STK33: variants seen among roughly 807,000 people sequenced by gnomAD.
The protein encoded by STK33 is serine/threonine kinase 33.
A neutral mutation model predicts 58.0 loss-of-function variants in STK33; 52 were observed. The ratio of observed to expected loss-of-function variants is 0.90; its 90% CI spans 0.72 to 1.13. The LOEUF is 1.13. Among genes scored for constraint, STK33 ranks in the 50% most tolerant of loss-of-function variants. The pLI is 0.00. For synonymous variants in STK33, 215 were observed against 200.1 expected (o/e 1.07, Z -0.63); for missense variants, 630 against 604.2 (o/e 1.04, Z -0.45).
intron 11 of STK33, among the ~76,000 whole-genome samples, chr11:8,440,996 C>T (rs1042455984): frequency 2.6e-5 from 4 of 152,128 alleles, no homozygotes; most frequent in Admixed American, 6.6e-5. Context: ...AAATGCACTA[C>T]CCTTTATTTC....
chr11:8,498,839 C>A (rs1014025274), intron 1 of STK33, among the ~76,000 whole-genome samples: 1 of 152,110 alleles, frequency 6.6e-6, no homozygotes, highest in African/African-American at 2.4e-5. Flanking sequence ...GGAAAGGATT[C>A]CCTATTTAAT....
the STK33 span, among the ~76,000 whole-genome samples, chr11:8,373,088 A>T: frequency 6.6e-6 from 1 of 152,150 alleles, no homozygotes; most frequent in Non-Finnish European, 1.5e-5. Context: ...CCATGTCTGG[A>T]CCTTGGCTGG....
the STK33 span, among the ~76,000 whole-genome samples, chr11:8,347,171 A>T: frequency 3.3e-5 from 5 of 152,136 alleles, no homozygotes; most frequent in Non-Finnish European, 5.9e-5. Context: ...TCTTCATTCA[A>T]CTTCCTACTT....
At chr11:8,440,800 T>A in intron 11 of STK33, 47 bp from the exon 12 acceptor site, 1 of 1,510,234 alleles carries the variant, frequency 6.6e-7, no homozygotes, top group Non-Finnish European at 9.0e-7. Flanking sequence ...ACAATAAATG[T>A]CTTTTAAATG....
At chr11:8,436,848 C>A (rs530806511) in intron 12 of STK33, among the ~76,000 whole-genome samples, 1 of 152,244 alleles carries the variant, frequency 6.6e-6, no homozygotes, top group African/African-American at 2.4e-5. Flanking sequence ...CAGGCACGCA[C>A]CACCTCACCT....
At chr11:8,493,994 C>A (rs1252751472) in intron 1 of STK33, among the ~76,000 whole-genome samples, 1 of 152,148 alleles carries the variant, frequency 6.6e-6, no homozygotes, top group Non-Finnish European at 1.5e-5. Context: ...CACTATCATA[C>A]TGAATGGGCA....
At chr11:8,403,413 G>C (rs1938484602) in intron 15 of STK33, among the ~76,000 whole-genome samples, 1 of 152,174 alleles carries the variant, frequency 6.6e-6, no homozygotes, top group African/African-American at 2.4e-5. Flanking sequence ...TTTTAAGAGA[G>C]CTCTTCAATC....
chr11:8,425,472 G>C (rs7107739), intron 14 of STK33, among the ~76,000 whole-genome samples: 87,672 of 151,928 alleles, frequency 0.58, 25,725 homozygotes, highest in South Asian at 0.71. Flanking sequence ...AATGTGGGCT[G>C]TTTTTTGGTT....
chr11:8,354,858 C>A, the STK33 span, among the ~76,000 whole-genome samples: 2 of 152,182 alleles, frequency 1.3e-5, no homozygotes, highest in African/African-American at 2.4e-5. Context: ...GGCCCCTCCG[C>A]GGCTGAAGCT....
intron 15 of STK33, among the ~76,000 whole-genome samples, chr11:8,412,156 A>G (rs571442719): frequency 2.0e-5 from 3 of 152,356 alleles, no homozygotes; most frequent in Admixed American, 2.0e-4. Flanking sequence ...ATATGTGTAT[A>G]CATGTATATG....
At chr11:8,506,149 CTTG>C in intron 1 of STK33, among the ~76,000 whole-genome samples, 1 of 152,286 alleles carries the variant, frequency 6.6e-6, no homozygotes, top group Non-Finnish European at 1.5e-5. Context: ...AAATTCAACT[CTTG>C]TCCTAAAATT....
rs529093307 is a variant in STK33 at position 8,441,339 on chromosome 11, A to ATG, written c.872-588_872-587dup. Reference sequence around the variant, plus strand: ...GACATAGACTATACTAAATATATATATGTGTGTGTGTGTGTGTATTTTTTT... The same window carrying ATG: ...GACATAGACTATACTAAATATATATATGTGTGTGTGTGTGTGTGTATTTTTTT... On this transcript the variant is annotated intron_variant, in intron 11 of 15. Coordinates refer to ENST00000687296, the MANE Select transcript of STK33 (RefSeq NM_001352389.2). Among the ~76,000 whole-genome samples, 746 of 151,094 alleles carry ATG rather than the reference A, an allele frequency of 4.9e-3. 4 individuals carry two copies. The highest frequency in any genetic ancestry group is 7.8e-3 in the Non-Finnish European group (525 of 67,734).
At chr11:8,355,147 G>C in the STK33 span, among the ~76,000 whole-genome samples, 1 of 152,234 alleles carries the variant, frequency 6.6e-6, no homozygotes, top group Non-Finnish European at 1.5e-5. Flanking sequence ...CTTTCCCACA[G>C]AGACCCTTCC....
chr11:8,397,586 CCAG>C (rs1176474668), intron 15 of STK33, among the ~76,000 whole-genome samples: 2 of 152,170 alleles, frequency 1.3e-5, no homozygotes, highest in African/African-American at 4.8e-5. Flanking sequence ...CAGCTTCTCA[CCAG>C]CAGCAGAACA....
chr11:8,435,462 G>T, intron 14 of STK33, 32 bp downstream of exon 14: 1 of 1,189,814 alleles, frequency 8.4e-7, no homozygotes, highest in Non-Finnish European at 1.1e-6. Context: ...ATGGTAGCAT[G>T]TCAGAAAGAA....
intron 1 of STK33, among the ~76,000 whole-genome samples, chr11:8,582,332 G>C (rs2030505011): frequency 6.6e-6 from 1 of 152,194 alleles, no homozygotes; most frequent in Non-Finnish European, 1.5e-5. Flanking sequence ...AATAGGTATT[G>C]TATTAGTCTG....
At chr11:8,544,227 T>C (rs974393328) in intron 1 of STK33, among the ~76,000 whole-genome samples, 21 of 151,166 alleles carry the variant, frequency 1.4e-4, no homozygotes, top group African/African-American at 4.8e-4. Flanking sequence ...GTTCTCATTG[T>C]TCAACTCCCA....
At chr11:8,427,845 A>G (rs1271610682) in intron 14 of STK33, among the ~76,000 whole-genome samples, 1 of 152,032 alleles carries the variant, frequency 6.6e-6, no homozygotes, top group Non-Finnish European at 1.5e-5. Flanking sequence ...CTCTCTTAGT[A>G]TGTTCACTTT....
chr11:8,400,860 C>A (rs1202347548), intron 15 of STK33, among the ~76,000 whole-genome samples: 1 of 152,158 alleles, frequency 6.6e-6, no homozygotes, highest in Admixed American at 6.5e-5. Flanking sequence ...TGAGTGAACT[C>A]CCATTCACAA....
Sources: gnomAD v4.1 joint callset for allele counts (sites outside exome capture counted in the v4.1 genomes callset) on GRCh38, gnomAD v4.1.1 for gene constraint, MANE v1.5 for transcripts, NCBI Gene and HGNC (gene_info 2026-07-23, HGNC 2026-07-21) for gene names.